TNPO2: variants seen among roughly 807,000 people sequenced by gnomAD.
The protein encoded by TNPO2 is transportin 2, also known as transportin-2.
A neutral mutation model predicts 111.1 loss-of-function variants in TNPO2; 16 were observed. That is an observed-to-expected ratio of 0.14 (90% CI 0.10 to 0.22). TNPO2 has a LOEUF of 0.22. TNPO2 is among the 10% of genes least tolerant of loss of function. The pLI is 1.00. For synonymous variants in TNPO2, 481 were observed against 475.8 expected, an observed-to-expected ratio of 1.01 and a Z score of -0.14; for missense variants, 530 against 1,173.7, an observed-to-expected ratio of 0.45 and a Z score of 8.01.
Position 12,701,414 on chromosome 19 carries a change from A to G in TNPO2, c.2626T>C (p.Trp876Arg). The G allele has an allele frequency of 6.2e-7, 1 of 1,613,930 alleles. No homozygotes were observed. The highest frequency in any genetic ancestry group is 8.5e-7 in the Non-Finnish European group (1 of 1,179,872). Residue 876 changes from tryptophan (W) to arginine (R), a missense_variant, in exon 25 of 26, where the codon TGG becomes CGG. Physicochemically the swap from Trp to Arg is moderately radical, Grantham distance 101. Around this residue, in one of 4 missense-constraint regions of TNPO2, gnomAD observed 103 missense variants for 156.7 expected, o/e 0.66. Transcript: ENST00000425528. The surrounding 1 kb of genome is among the most constrained non-coding windows in gnomAD (Gnocchi z 5.0). ...GGGAATTGCTCAGAGAACTGCTGCC[A>G]GTTATCTTCCCCAACTTGGTCTTTG... ...GFKDQVGEDN[W>R]QQFSEQFPPL...
chr19:12,721,202 G>T lies in TNPO2; in HGVS notation c.-13-212C>A. On this transcript the variant is annotated intron_variant, in intron 2 of 25. Transcript: ENST00000425528. The surrounding 1 kb of genome is among the most constrained non-coding windows in gnomAD (Gnocchi z 4.9). ...CGCGGGCTCGGGAGCGCGGGAGGGG[G>T]GATGTGGAAACGGGCCACAGGCGGC... 1 of 1,376,568 alleles carries T rather than the reference G, an allele frequency of 7.3e-7. No homozygotes were observed. Among genetic ancestry groups the T allele is most frequent in the Non-Finnish European group, 9.3e-7 (1 of 1,071,504 alleles). 85.3% of individuals were successfully genotyped at this position (1,376,568 alleles called of 1,614,324 possible).
In TNPO2 at chr19:12,701,434, TC is replaced by T; in HGVS notation, c.2605del (p.Asp869ThrfsTer31). On this transcript the variant is annotated frameshift_variant, in exon 25 of 26. Transcript: ENST00000425528. LOFTEE classifies it high-confidence loss of function. The surrounding 1 kb of genome is among the most constrained non-coding windows in gnomAD (Gnocchi z 5.0). Reference sequence around the variant, plus strand: ...CTGCCAGTTATCTTCCCCAACTTGGTCTTTGAAGCCGTGGAGAATCTGTGGG... The same window carrying T: ...CTGCCAGTTATCTTCCCCAACTTGGTTTTGAAGCCGTGGAGAATCTGTGGG... Reference protein sequence around the residue: ...MFYKILHGFKDQVGEDNWQQF... With the variant: ...MFYKILHGFKXQVGEDNWQQF... 1 of 1,613,810 alleles carries T rather than the reference TC, an allele frequency of 6.2e-7. No homozygotes were observed. The highest frequency in any genetic ancestry group is 8.5e-7 in the Non-Finnish European group (1 of 1,179,846).
At chr19:12,703,861 AG>A in intron 18 of TNPO2, 60 bp from the exon 19 acceptor site, 1 of 1,422,058 alleles carries the variant, frequency 7.0e-7, no homozygotes, top group East Asian at 2.5e-5. Context: ...AGGACAGCTC[AG>A]GGGGCACAGT....
In TNPO2 at chr19:12,701,466, T is replaced by C. The variant is rs1311148315; in HGVS notation, c.2587-13A>G. On this transcript the variant is annotated splice_polypyrimidine_tract_variant and intron_variant, in intron 24 of 25. Transcript: ENST00000425528. This position sits in a 1 kb window ranked among gnomAD's most constrained non-coding sequence, Gnocchi z 5.0. ...AGCCGTGGAGAATCTGTGGGGAGGG[T>C]GGTGGTGAGGGGTAGGCAGGGGCAG... 1 of 1,610,998 alleles carries C rather than the reference T, an allele frequency of 6.2e-7. No homozygotes were observed. Among genetic ancestry groups the C allele is most frequent in the East Asian group, 2.2e-5 (1 of 44,768 alleles).
rs368882556 is a variant in TNPO2, at chr19:12,702,174, C to T, written c.2309G>A (p.Arg770His). 6.4e-5 allele frequency: 104 copies of T among 1,612,684 alleles called. 2 individuals carry two copies. Among genetic ancestry groups the T allele is most frequent in the South Asian group, 3.6e-4 (33 of 91,044 alleles). ...TGGAATGGCAGAGGGACTCGTCAGG[C>T]GACCTGCAACCCCGAGCGGCCCCGG... Reference protein sequence around the residue: ...TPKTLLENTGRLTSPSAIPAI... With the variant: ...TPKTLLENTGHLTSPSAIPAI... Residue 770 changes from arginine (R) to histidine (H), a missense_variant, in exon 22 of 26, where the codon CGC becomes CAC. Physicochemically the swap from Arg to His is conservative, Grantham distance 29. Coordinates refer to ENST00000425528, the MANE Select transcript of TNPO2 (RefSeq NM_001382241.1). The surrounding 1 kb of genome is among the most constrained non-coding windows in gnomAD (Gnocchi z 5.5).
chr19:12,703,825 G>T lies in TNPO2; in HGVS notation c.2023-24C>A, dbSNP rs1212540123. On this transcript the variant is annotated intron_variant, in intron 18 of 25. Coordinates refer to ENST00000425528, the MANE Select transcript of TNPO2 (RefSeq NM_001382241.1). ...TCCTGGGGATTCAAGTAAGATCAGT[G>T]TGGCTAGGCTCCCCTCCTTCTAACC... The T allele has an allele frequency of 5.8e-6, 9 of 1,553,778 alleles. No homozygotes were observed. The Admixed American group carries it at 1.8e-4, about 30-fold the overall frequency.
chr19:12,701,787 T>C lies in TNPO2; in HGVS notation c.2476A>G (p.Met826Val), dbSNP rs1348879804. The change falls in exon 23 of 26, where the codon ATG (methionine) becomes GTG (valine). Residue 826 changes from methionine to valine, a missense_variant. By Grantham distance (21) the Met-to-Val change is conservative (BLOSUM62 1). Transcript: ENST00000425528. This position sits in a 1 kb window ranked among gnomAD's most constrained non-coding sequence, Gnocchi z 5.0. Reference sequence around the variant, plus strand: ...CCCCCCGGGTTGACACCGATCATCATGCAGATGCCGCGGAAGGCTGAGTCC... The same window carrying C: ...CCCCCCGGGTTGACACCGATCATCACGCAGATGCCGCGGAAGGCTGAGTCC... ...EKDSAFRGIC[M>V]MIGVNPGGVV... 6.2e-7 allele frequency: 1 copy of C among 1,613,862 alleles called. No homozygotes were observed. The highest frequency in any genetic ancestry group is 8.5e-7 in the Non-Finnish European group (1 of 1,179,854).
chr19:12,715,864 C>T lies in TNPO2; in HGVS notation c.326-125G>A. 1.4e-6 allele frequency: 1 copy of T among 711,712 alleles called. No individual in the cohort carries two copies. The highest frequency in any genetic ancestry group is 2.3e-6 in the Non-Finnish European group (1 of 433,454). The allele number at this position is 711,712 out of a possible 1,614,324, so 44.1% of individuals were successfully genotyped here. A position where few individuals can be genotyped will look rare whatever the true frequency, so the allele number is the denominator to read the frequency against. On this transcript the variant is annotated intron_variant, in intron 5 of 25. Coordinates refer to ENST00000425528, the MANE Select transcript of TNPO2 (RefSeq NM_001382241.1). The surrounding 1 kb of genome is among the most constrained non-coding windows in gnomAD (Gnocchi z 7.1). ...AGCCCATGTACGCCCTCTACATCCC[C>T]CCTCCTTTTTTTTTTCTTTGTAAGA...
Position 12,711,374 on chromosome 19 carries a change from G to A in TNPO2, c.1039C>T (p.His347Tyr). 6.2e-7 allele frequency: 1 copy of A among 1,614,024 alleles called. No homozygotes were observed. The highest frequency in any genetic ancestry group is 8.5e-7 in the Non-Finnish European group (1 of 1,179,898). Residue 347 changes from histidine to tyrosine, a missense_variant, in exon 12 of 26, where the codon CAC becomes TAC. His to Tyr is a moderately conservative substitution (Grantham distance 83, BLOSUM62 2). This residue lies in a region of TNPO2 where 88 missense variants were observed against 130.2 expected (regional missense o/e 0.68). Coordinates refer to ENST00000425528, the MANE Select transcript of TNPO2 (RefSeq NM_001382241.1). ...GAGCCATCAGGCCGCTCAGCCTCGT[G>A]GGGCAGTGTGACCGTGCGTGACTTG... ...FHKSRTVTLP[H>Y]EAERPDGSED...
chr19:12,705,883 GA>G lies in TNPO2; in HGVS notation c.1669-116del. ...GCCTCACCGTGGCTCATGGGACCCT[GA>G]AAGGCCTGCCATCTGGCCAGACCTC... On this transcript the variant is annotated intron_variant, in intron 15 of 25. Transcript: ENST00000425528. The surrounding 1 kb of genome is among the most constrained non-coding windows in gnomAD (Gnocchi z 7.2). 1 of 803,402 alleles carries G rather than the reference GA, an allele frequency of 1.2e-6. No homozygotes were observed. Among genetic ancestry groups the G allele is most frequent in the Non-Finnish European group, 1.9e-6 (1 of 521,118 alleles). 49.8% of individuals were successfully genotyped at this position (803,402 alleles called of 1,614,324 possible).
intron 2 of TNPO2, chr19:12,722,203 C>A: frequency 6.6e-6 from 1 of 152,382 alleles, no homozygotes; most frequent in Non-Finnish European, 1.5e-5. Context: ...CAGATCCCCT[C>A]CAGCCCGACC....
chr19:12,722,752 G>A (rs1201607721), intron 2 of TNPO2, among the ~76,000 whole-genome samples: 1 of 152,034 alleles, frequency 6.6e-6, no homozygotes, highest in Non-Finnish European at 1.5e-5. Context: ...CGTGACCAAA[G>A]AGTTGCCGTT....
intron 12 of TNPO2, 36 bp downstream of exon 12, chr19:12,711,260 G>C (rs763255444): frequency 3.1e-6 from 5 of 1,602,392 alleles, no homozygotes; most frequent in Admixed American, 3.4e-5. Context: ...TCCAGGGCTT[G>C]CCACCCCACC....
At chr19:12,716,929 A>T (rs1343262281) in intron 5 of TNPO2, among the ~76,000 whole-genome samples, 1 of 152,154 alleles carries the variant, frequency 6.6e-6, no homozygotes, top group Non-Finnish European at 1.5e-5. Flanking sequence ...AGGTAAGGGC[A>T]GGAAGGTGGC....
Position 12,715,594 on chromosome 19 carries a change from C to A in TNPO2, c.432+39G>T, listed in dbSNP as rs1175331117. 1.2e-6 allele frequency: 2 copies of A among 1,613,498 alleles called. No homozygotes were observed. The highest frequency in any genetic ancestry group is 1.3e-5 in the African/African-American group (1 of 74,896). ...GGGTGGTGGGTGGTGGTCCCAGCCC[C>A]CCAGTACTCGCTCTGGCCATCCATG... On this transcript the variant is annotated intron_variant, in intron 6 of 25. Transcript: ENST00000425528. This position sits in a 1 kb window ranked among gnomAD's most constrained non-coding sequence, Gnocchi z 7.1.
Position 12,705,444 on chromosome 19 carries a change from G to T in TNPO2, c.1864-46C>A, listed in dbSNP as rs770806936. 2 of 1,574,970 alleles carry T rather than the reference G, an allele frequency of 1.3e-6. No individual in the cohort carries two copies. The highest frequency in any genetic ancestry group is 1.7e-6 in the Non-Finnish European group (2 of 1,160,190). ...GGGCACGGGTAAGTGGAGCAGGCCC[G>T]AGGCAGGCCAATGCAGAAGCACAGG... is the stretch of plus-strand genomic sequence containing the variant. On this transcript the variant is annotated intron_variant, in intron 17 of 25. Transcript: ENST00000425528. This position sits in a 1 kb window ranked among gnomAD's most constrained non-coding sequence, Gnocchi z 7.2.
chr19:12,719,429 C>T lies in TNPO2; in HGVS notation c.100-93G>A, dbSNP rs2026545463. 9.2e-7 allele frequency: 1 copy of T among 1,083,346 alleles called. No individual in the cohort carries two copies. 67.1% of individuals were successfully genotyped at this position (1,083,346 alleles called of 1,614,324 possible). On this transcript the variant is annotated intron_variant, in intron 3 of 25. Transcript: ENST00000425528. The surrounding 1 kb of genome is among the most constrained non-coding windows in gnomAD (Gnocchi z 5.0). ...TGACACTATCTCTGACCACTGGGAC[C>T]AGGCTGCCAGCTCCTGGGGGATCCC...
Position 12,701,791 on chromosome 19 carries a change from G to T in TNPO2, c.2472C>A (p.Ile824=). The T allele has an allele frequency of 3.1e-6, 5 of 1,613,914 alleles. No homozygotes were observed. Among genetic ancestry groups the T allele is most frequent in the Non-Finnish European group, 4.2e-6 (5 of 1,179,876 alleles). Residue 824 remains isoleucine (I), a synonymous_variant, in exon 23 of 26, where the codon ATC becomes ATA. Transcript: ENST00000425528. The surrounding 1 kb of genome is among the most constrained non-coding windows in gnomAD (Gnocchi z 5.0). ...NEEKDSAFRG[I]CMMIGVNPGG... ...CCGGGTTGACACCGATCATCATGCA[G>T]ATGCCGCGGAAGGCTGAGTCCTTCT...
rs1357888812 is a variant in TNPO2 at position 12,701,444 on chromosome 19, C to T, written c.2596G>A (p.Gly866Ser). Residue 866 changes from glycine to serine, a missense_variant, in exon 25 of 26, where the codon GGC (glycine) becomes AGC (serine). Around this residue, in one of 4 missense-constraint regions of TNPO2, gnomAD observed 103 missense variants for 156.7 expected, o/e 0.66. Transcript: ENST00000425528. The surrounding 1 kb of genome is among the most constrained non-coding windows in gnomAD (Gnocchi z 5.0). ...LRDMFYKILHGFKDQVGEDNW... is the reference protein window; with the variant it reads ...LRDMFYKILHSFKDQVGEDNW... The stretch of plus-strand genomic sequence containing the variant: ...TCTTCCCCAACTTGGTCTTTGAAGC[C>T]GTGGAGAATCTGTGGGGAGGGTGGT... 7.4e-6 allele frequency: 12 copies of T among 1,613,708 alleles called. No homozygotes were observed. Among genetic ancestry groups the T allele is most frequent in the Non-Finnish European group, 1.0e-5 (12 of 1,179,854 alleles).
Sources: gnomAD v4.1 joint callset for allele counts (sites outside exome capture counted in the v4.1 genomes callset) on GRCh38, gnomAD v4.1.1 for gene constraint, gnomAD v4.1.1 regional missense constraint, Gnocchi (gnomAD v3.1) non-coding constraint, MANE v1.5 for transcripts, NCBI Gene and HGNC (gene_info 2026-07-23, HGNC 2026-07-21) for gene names.